MSL2: variants seen among roughly 807,000 people sequenced by gnomAD.
MSL2 encodes the protein MSL complex subunit 2, also known as E3 ubiquitin-protein ligase MSL2.
Under a neutral mutation model 35.8 loss-of-function variants are expected in MSL2, and 2 were observed. That is an observed-to-expected ratio of 0.06 (90% CI 0.02 to 0.18). The LOEUF is 0.18. Ranked by LOEUF, MSL2 falls within the 10% of genes least tolerant of loss-of-function variation. MSL2 has a pLI of 1.00. For missense variants in MSL2, 523 were observed against 706.7 expected, an observed-to-expected ratio of 0.74 and a Z score of 2.95; for synonymous variants, 296 against 255.7, an observed-to-expected ratio of 1.16 and a Z score of -1.50.
chr3:136,155,762 A>G (rs1005541841), intron 1 of MSL2: 1 of 552,072 alleles, frequency 1.8e-6, no homozygotes, highest in African/African-American at 1.9e-5. Flanking sequence ...TGTGAGCACC[A>G]TGTACGTATG....
In MSL2 at chr3:136,180,213, AT is replaced by A. The variant is rs544198076; in HGVS notation, c.142+14758del. Among the ~76,000 whole-genome samples, 354 of 151,896 alleles carry A rather than the reference AT, an allele frequency of 2.3e-3. 1 individual carries two copies. The highest frequency in any genetic ancestry group is 7.8e-3 in the African/African-American group (324 of 41,444). ...TGGACTTCTTATGTTTCCGACTAAA[AT>A]TTTTTTTTAACAATTTTTGTATTTT... On this transcript the variant is annotated intron_variant, in intron 1 of 1. Coordinates refer to ENST00000309993, the MANE Select transcript of MSL2 (RefSeq NM_018133.4).
At chr3:136,181,857 T>G (rs1940374085) in intron 1 of MSL2, among the ~76,000 whole-genome samples, 1 of 151,860 alleles carries the variant, frequency 6.6e-6, no homozygotes, top group South Asian at 2.1e-4. Context: ...AGACGAAGGT[T>G]GCAGTGAGCC....
chr3:136,160,444 C>A (rs1401753307), intron 1 of MSL2, among the ~76,000 whole-genome samples: 2 of 147,536 alleles, frequency 1.4e-5, no homozygotes, highest in African/African-American at 2.5e-5. Flanking sequence ...AAAAACAATG[C>A]AAGCCAGGCG....
At position 136,171,831 on chromosome 3, in the gene MSL2, G is replaced by T. The variant is rs569107275; in HGVS notation, c.143-19093C>A. On this transcript the variant is annotated intron_variant, in intron 1 of 1. Coordinates refer to ENST00000309993, the MANE Select transcript of MSL2 (RefSeq NM_018133.4). Reference sequence around the variant, plus strand: ...TTTGGGTATAATTAATTTTCACTAGGTATCATGTTGAGGTAACAGGTATGT... The same window carrying T: ...TTTGGGTATAATTAATTTTCACTAGTTATCATGTTGAGGTAACAGGTATGT... Among the ~76,000 whole-genome samples, 3 of 152,266 alleles carry T rather than the reference G, an allele frequency of 2.0e-5. No homozygotes were observed. In the South Asian group the frequency reaches 6.2e-4, roughly 32 times the overall value.
In MSL2 at chr3:136,170,353, C is replaced by CA. The variant is rs563047729; in HGVS notation, c.143-17616dup. ...GGGAGACAAGAGCAAAAATCCCTCT[C>CA]AAAAAAAAAAAACCATTGTTAACTA... On this transcript the variant is annotated intron_variant, in intron 1 of 1. Transcript: ENST00000309993. Among the ~76,000 whole-genome samples, 196 of 125,746 alleles carry CA rather than the reference C, an allele frequency of 1.6e-3. 4 individuals carry two copies. The highest frequency in any genetic ancestry group is 4.3e-3 in the East Asian group (19 of 4,448). The allele number at this position is 125,746 out of a possible 152,430, so 82.5% of individuals were successfully genotyped here. A position where few individuals can be genotyped will look rare whatever the true frequency, so the allele number is the denominator to read the frequency against.
At chr3:136,158,777 A>T (rs1340257685) in intron 1 of MSL2, among the ~76,000 whole-genome samples, 1 of 152,234 alleles carries the variant, frequency 6.6e-6, no homozygotes. Flanking sequence ...GTCATAGCAC[A>T]AACAATATAT....
chr3:136,195,786 C>T lies in MSL2; in HGVS notation c.-673G>A, dbSNP rs886325306. 9.1e-5 allele frequency: 90 copies of T among 985,174 alleles called. 1 individual carries two copies. In the South Asian group the frequency reaches 3.6e-3, roughly 40 times the overall value. The allele number at this position is 985,174 out of a possible 1,614,324, so 61.0% of individuals were successfully genotyped here. On this transcript the variant is annotated 5_prime_UTR_variant, in exon 1 of 2. Coordinates refer to ENST00000309993, the MANE Select transcript of MSL2 (RefSeq NM_018133.4). ...CCCCGTGGGTTGCAGCCCGCAGTTCCCCGAGGTGGCGAGGCGGGCGGGAGT... is the reference window on the plus strand; with the variant it reads ...CCCCGTGGGTTGCAGCCCGCAGTTCTCCGAGGTGGCGAGGCGGGCGGGAGT...
intron 1 of MSL2, among the ~76,000 whole-genome samples, chr3:136,183,287 G>A (rs1283717342): frequency 6.6e-6 from 1 of 152,180 alleles, no homozygotes; most frequent in Non-Finnish European, 1.5e-5. Flanking sequence ...CAAATGCGGT[G>A]GCTCACTCCT....
intron 1 of MSL2, among the ~76,000 whole-genome samples, chr3:136,154,536 A>G (rs1939461741): frequency 6.6e-6 from 1 of 152,100 alleles, no homozygotes; most frequent in Non-Finnish European, 1.5e-5. Context: ...CACAAAGAAT[A>G]TGTTCAACCA....
In MSL2 at chr3:136,151,852, G is replaced by A; in HGVS notation, c.1029C>T (p.Ser343=). ...PKIAKLNRKR[S]RSESDSEKVQ... ...CTTTCTCACTGTCACTCTCTGATCT[G>A]GATCGTTTTCTATTCAATTTTGCTA... Residue 343 remains serine, a synonymous_variant, in exon 2 of 2, where the codon TCC becomes TCT. Coordinates refer to ENST00000309993, the MANE Select transcript of MSL2 (RefSeq NM_018133.4). The surrounding 1 kb of genome is among the most constrained non-coding windows in gnomAD (Gnocchi z 5.2). The A allele has an allele frequency of 1.2e-6, 2 of 1,614,090 alleles. No homozygotes were observed. The highest frequency in any genetic ancestry group is 1.1e-5 in the South Asian group (1 of 91,082).
At chr3:136,171,466 A>G (rs1251989998) in intron 1 of MSL2, among the ~76,000 whole-genome samples, 1 of 152,238 alleles carries the variant, frequency 6.6e-6, no homozygotes, top group Non-Finnish European at 1.5e-5. Context: ...GCATGTGACC[A>G]TGAATGAGTT....
At chr3:136,183,660 G>A (rs1940430766) in intron 1 of MSL2, among the ~76,000 whole-genome samples, 1 of 152,070 alleles carries the variant, frequency 6.6e-6, no homozygotes, top group South Asian at 2.1e-4. Context: ...TTATTAAAAT[G>A]GTAGTTATTT....
Position 136,169,948 on chromosome 3 carries a change from C to A in MSL2, c.143-17210G>T, listed in dbSNP as rs188410107. 7.0e-4 allele frequency among the ~76,000 whole-genome samples: 106 copies of A among 151,400 alleles called. 1 individual carries two copies. The highest frequency in any genetic ancestry group is 3.4e-3 in the Middle Eastern group (1 of 292). ...GCAGATGCCTGTAATCCCAGTTACT[C>A]GGGCTGAGGCACAAATCATTTGAGC... On this transcript the variant is annotated intron_variant, in intron 1 of 1. Coordinates refer to ENST00000309993, the MANE Select transcript of MSL2 (RefSeq NM_018133.4).
At position 136,151,041 on chromosome 3, in the gene MSL2, A is replaced by T; in HGVS notation, c.*106T>A. On this transcript the variant is annotated 3_prime_UTR_variant, in exon 2 of 2. Transcript: ENST00000309993. The surrounding 1 kb of genome is among the most constrained non-coding windows in gnomAD (Gnocchi z 5.2). ...CTTAGCAATGAAAACACTTGATACA[A>T]GTGATCTATATGCAGGAGCTCCGGC... 8.2e-7 allele frequency: 1 copy of T among 1,222,560 alleles called. No homozygotes were observed. Among genetic ancestry groups the T allele is most frequent in the East Asian group, 2.3e-5 (1 of 42,694 alleles). The allele number at this position is 1,222,560 out of a possible 1,614,324, so 75.7% of individuals were successfully genotyped here.
chr3:136,176,457 T>C (rs901801729), intron 1 of MSL2, among the ~76,000 whole-genome samples: 5 of 149,518 alleles, frequency 3.3e-5, no homozygotes, highest in African/African-American at 1.0e-4. Context: ...TGAAGCTGTA[T>C]TGAGCCAAGA....
chr3:136,179,373 G>A (rs1479668307), intron 1 of MSL2, among the ~76,000 whole-genome samples: 2 of 152,068 alleles, frequency 1.3e-5, no homozygotes, highest in African/African-American at 4.8e-5. Flanking sequence ...GGTAGAGACA[G>A]GGTCTCACTA....
At chr3:136,184,672 G>A (rs1307878613) in intron 1 of MSL2, among the ~76,000 whole-genome samples, 2 of 142,818 alleles carry the variant, frequency 1.4e-5, no homozygotes, top group African/African-American at 2.6e-5. Context: ...GAAGGGGCCT[G>A]GATAAATCCT....
chr3:136,166,062 TAAAAAAAAA>T (rs34420183), intron 1 of MSL2, among the ~76,000 whole-genome samples: 13 of 80,084 alleles, frequency 1.6e-4, no homozygotes, highest in South Asian at 5.8e-4. Context: ...TACGTACCAG[TAAAAAAAAA>T]AAAAAAAAAA....
intron 1 of MSL2, among the ~76,000 whole-genome samples, chr3:136,156,877 TAAATA>T (rs886353849): frequency 2.0e-5 from 3 of 151,876 alleles, no homozygotes; most frequent in African/African-American, 7.3e-5. Context: ...ACTAAATAAA[TAAATA>T]AATTATGTTT....
Sources: allele counts gnomAD v4.1 joint callset (sites outside exome capture counted in the v4.1 genomes callset), GRCh38; gene constraint gnomAD v4.1.1; non-coding constraint Gnocchi (gnomAD v3.1); transcripts MANE v1.5; gene names NCBI Gene and HGNC (gene_info 2026-07-23, HGNC 2026-07-21).